Variants in SPRY3 observed in about 807,000 individuals in gnomAD.
The protein encoded by SPRY3 is sprouty RTK signaling antagonist 3.
A neutral mutation model predicts 20.2 loss-of-function variants in SPRY3; 15 were observed. The observed-to-expected ratio is 0.74, with a 90% CI of 0.50 to 1.14. SPRY3 has a LOEUF of 1.14. SPRY3 is among the 50% of genes most tolerant of loss of function. The pLI is 0.00. For synonymous variants in SPRY3, 143 were observed against 136.5 expected (o/e 1.05, Z -0.33); for missense variants, 364 against 363.9 (o/e 1.00, Z 0.00).
intron 2 of SPRY3, among the ~76,000 whole-genome samples, chrX:155,728,846 C>T (rs1435578121): frequency 1.3e-5 from 2 of 152,036 alleles, no homozygotes; most frequent in Non-Finnish European, 2.9e-5. Context: ...TTCAAACACA[C>T]ACATAGGTTA....
At chrX:155,780,194 T>C (rs700449), downstream of SPRY3, 93,408 of 166,834 alleles carry the variant, frequency 0.56, 26,524 homozygotes, top group Non-Finnish European at 0.62. Context: ...CAAACTAACC[T>C]GGCAATCCTT....
At chrX:155,742,804 T>C (rs924124355) in intron 2 of SPRY3, among the ~76,000 whole-genome samples, 1 of 152,130 alleles carries the variant, frequency 6.6e-6, no homozygotes, top group African/African-American at 2.4e-5. Context: ...AAAGAGGCAA[T>C]GTGCCAGAAT....
At chrX:155,773,307 G>GAT (rs1556238552) in intron 3 of SPRY3, among the ~76,000 whole-genome samples, 9,018 of 120,188 alleles carry the variant, frequency 0.075, 328 homozygotes, top group East Asian at 0.095. Flanking sequence ...ATTTTGATTG[G>GAT]ATATATATAT....
intron 1 of SPRY3, among the ~76,000 whole-genome samples, chrX:155,650,083 C>G (rs2067971762): frequency 9.0e-6 from 1 of 111,217 alleles, no homozygotes; most frequent in Admixed American, 9.6e-5. Context: ...AGGAGAACTA[C>G]AAATCACTGC....
At chrX:155,749,000 T>C (rs1284150557) in intron 2 of SPRY3, among the ~76,000 whole-genome samples, 1 of 151,394 alleles carries the variant, frequency 6.6e-6, no homozygotes, top group Non-Finnish European at 1.5e-5. Flanking sequence ...GTTAAAGAAA[T>C]AGTATGTGGA....
chrX:155,775,387 T>C (rs1331812051), exon 4 of SPRY3: 2 of 167,816 alleles, frequency 1.2e-5, no homozygotes, highest in Non-Finnish European at 2.9e-5. Context: ...ATTTGATCTA[T>C]ATTTGTCTCT....
At chrX:155,715,308 T>G (rs2091014720) in intron 2 of SPRY3, among the ~76,000 whole-genome samples, 1 of 152,146 alleles carries the variant, frequency 6.6e-6, no homozygotes, top group Non-Finnish European at 1.5e-5. Flanking sequence ...CTGCCAGGAC[T>G]GGGTCCTTCC....
At chrX:155,740,964 A>G (rs2091201835) in intron 2 of SPRY3, among the ~76,000 whole-genome samples, 1 of 151,984 alleles carries the variant, frequency 6.6e-6, no homozygotes, top group Non-Finnish European at 1.5e-5. Context: ...CTTTCTCTTT[A>G]TTTCTCAGCC....
intron 2 of SPRY3, among the ~76,000 whole-genome samples, chrX:155,710,322 G>C (rs764171049): frequency 6.6e-6 from 1 of 151,476 alleles, no homozygotes; most frequent in Non-Finnish European, 1.5e-5. Context: ...TTTTTTGTGC[G>C]TACTCTTCAA....
At chrX:155,764,378 TAGTG>T (rs944645675) in intron 2 of SPRY3, among the ~76,000 whole-genome samples, 462 of 152,328 alleles carry the variant, frequency 3.0e-3, no homozygotes, top group Non-Finnish European at 5.7e-3. Flanking sequence ...TGGCAATACA[TAGTG>T]AGTTTTGTAA....
chrX:155,773,779 G>C lies in SPRY3; in HGVS notation c.-93G>C, dbSNP rs1023574430. On this transcript the variant is annotated 5_prime_UTR_variant, in exon 4 of 4. Transcript: ENST00000675360. ...CTTCTCTCCTAGGATTTTCTCATGT[G>C]CCCTGAAATCCATGTAACTACAAGG... The C allele has an allele frequency of 2.0e-5, 28 of 1,410,696 alleles. No homozygotes were observed. The African/African-American group carries it at 3.6e-4, about 18-fold the overall frequency. 87.4% of individuals were successfully genotyped at this position (1,410,696 alleles called of 1,614,324 possible). A position where few individuals can be genotyped will look rare whatever the true frequency, so the allele number is the denominator to read the frequency against.
intron 2 of SPRY3, among the ~76,000 whole-genome samples, chrX:155,705,782 A>T (rs1029480182): frequency 1.3e-5 from 2 of 151,386 alleles, no homozygotes; most frequent in African/African-American, 4.8e-5. Flanking sequence ...GACATACATG[A>T]TGATGAAGGG....
intron 2 of SPRY3, among the ~76,000 whole-genome samples, chrX:155,741,532 A>G (rs2091204483): frequency 6.6e-6 from 1 of 152,106 alleles, no homozygotes; most frequent in Non-Finnish European, 1.5e-5. Context: ...GAGAAGATCA[A>G]ACCCCAAGAC....
intron 2 of SPRY3, among the ~76,000 whole-genome samples, chrX:155,703,686 T>C (rs2090927712): frequency 1.4e-5 from 2 of 147,964 alleles, no homozygotes; most frequent in Admixed American, 1.4e-4. Flanking sequence ...CTTGCTTTTC[T>C]AGTTCTTTTA....
intron 2 of SPRY3, among the ~76,000 whole-genome samples, chrX:155,707,939 AC>A (rs1407330104): frequency 7.5e-4 from 113 of 151,404 alleles, no homozygotes; most frequent in African/African-American, 2.5e-3. Flanking sequence ...GATTAGATTT[AC>A]ATGTGATCTT....
intron 2 of SPRY3, among the ~76,000 whole-genome samples, chrX:155,744,150 G>C (rs1048256780): frequency 8.6e-5 from 13 of 152,040 alleles, no homozygotes; most frequent in Non-Finnish European, 1.6e-4. Context: ...TATGAACTGG[G>C]TGGATGTTTG....
chrX:155,758,179 G>T lies in SPRY3; in HGVS notation c.-281-9783G>T, dbSNP rs115270356. On this transcript the variant is annotated intron_variant, in intron 2 of 3. Transcript: ENST00000675360. Reference sequence around the variant, plus strand: ...AATATGTATTGATAACCTACTACATGGCATACCATGTCACATTCATTTCCG... The same window carrying T: ...AATATGTATTGATAACCTACTACATTGCATACCATGTCACATTCATTTCCG... Among the ~76,000 whole-genome samples the T allele has an allele frequency of 4.0e-3, 602 of 152,180 alleles. 6 individuals are homozygous for T. Among genetic ancestry groups the T allele is most frequent in the African/African-American group, 0.014 (579 of 41,524 alleles).
intron 2 of SPRY3, among the ~76,000 whole-genome samples, chrX:155,724,731 G>T (rs306919): frequency 0.13 from 19,325 of 152,080 alleles, 2,040 homozygotes; most frequent in African/African-American, 0.3. Flanking sequence ...GAGACAATGG[G>T]GTTTTCTAAA....
intron 2 of SPRY3, among the ~76,000 whole-genome samples, chrX:155,688,605 C>T (rs642043): frequency 0.46 from 50,283 of 109,402 alleles, 11,048 homozygotes; most frequent in African/African-American, 0.86. Context: ...TATTTCATTG[C>T]GGTTTTGATG....
Sources: gnomAD v4.1 joint callset for allele counts (sites outside exome capture counted in the v4.1 genomes callset) on GRCh38, gnomAD v4.1.1 for gene constraint, MANE v1.5 for transcripts, NCBI Gene and HGNC (gene_info 2026-07-23, HGNC 2026-07-21) for gene names.